Variants in GABRG3 observed in about 807,000 individuals in gnomAD.
GABRG3 encodes the protein gamma-aminobutyric acid receptor subunit gamma-3.
A neutral mutation model predicts 48.8 loss-of-function variants in GABRG3; 25 were observed. The ratio of observed to expected loss-of-function variants is 0.51; its 90% confidence interval spans 0.37 to 0.72. The LOEUF (loss-of-function observed/expected upper bound fraction) is 0.72. Ranked by LOEUF, GABRG3 falls within the 30% of genes least tolerant of loss-of-function variation. The pLI, the probability that GABRG3 is intolerant of heterozygous loss-of-function variation, is 0.00. For synonymous variants in GABRG3, 227 were observed against 217.6 expected (o/e 1.04, Z -0.38); for missense variants, 394 against 577.9 (o/e 0.68, Z 3.26).
At chr15:27,371,467 T>A (rs1895412619) in intron 5 of GABRG3, among the ~76,000 whole-genome samples, 1 of 152,202 alleles carries the variant, frequency 6.6e-6, no homozygotes, top group South Asian at 2.1e-4. Flanking sequence ...AGAAGGAAAA[T>A]CTAACCCTTT....
rs147459440 is a variant in GABRG3 at position 27,265,881 on chromosome 15, G to GTTTTTTTTTTT, written c.271-60928_271-60927insTTTTTTTTTTT. Among the ~76,000 whole-genome samples the GTTTTTTTTTTT allele has an allele frequency of 1.8e-4, 23 of 124,860 alleles. 2 individuals are homozygous for GTTTTTTTTTTT. Among genetic ancestry groups the GTTTTTTTTTTT allele is most frequent in the African/African-American group, 5.9e-4 (16 of 27,064 alleles). 81.9% of individuals were successfully genotyped at this position (124,860 alleles called of 152,430 possible). ...TGCAAGGTCAAGAAGATTTTCTCCT[G>GTTTTTTTTTTT]GTTTTTTTTTTTTTTTGAGAGTGAC... On this transcript the variant is annotated intron_variant, in intron 3 of 9. Coordinates refer to ENST00000615808, the MANE Select transcript of GABRG3 (RefSeq NM_033223.5).
intron 3 of GABRG3, among the ~76,000 whole-genome samples, chr15:27,321,075 C>G (rs1023118509): frequency 3.9e-5 from 6 of 152,154 alleles, no homozygotes; most frequent in Admixed American, 6.5e-5. Flanking sequence ...TCTCTGACTG[C>G]TGCACCCCTC....
At chr15:27,125,938 G>C (rs145784335) in intron 3 of GABRG3, among the ~76,000 whole-genome samples, 369 of 152,342 alleles carry the variant, frequency 2.4e-3, no homozygotes, top group Middle Eastern at 6.8e-3. Flanking sequence ...CAGATAATAT[G>C]ATCTATTAGG....
chr15:27,102,957 C>G (rs1897386800), intron 3 of GABRG3, among the ~76,000 whole-genome samples: 1 of 152,194 alleles, frequency 6.6e-6, no homozygotes, highest in Non-Finnish European at 1.5e-5. Context: ...TGATGTAGCT[C>G]TATTTCTAAT....
intron 3 of GABRG3, among the ~76,000 whole-genome samples, chr15:27,069,669 A>C (rs79172550): frequency 0.018 from 2,806 of 152,338 alleles, 84 homozygotes; most frequent in African/African-American, 0.063. Flanking sequence ...CTATGATTTA[A>C]ATTTCCACCT....
intron 5 of GABRG3, among the ~76,000 whole-genome samples, chr15:27,387,890 GGGAAGGAA>G (rs1187922274): frequency 1.4e-3 from 70 of 49,480 alleles, no homozygotes; most frequent in Non-Finnish European, 2.3e-3. Flanking sequence ...AGGGGAAGGA[GGGAAGGAA>G]GGAAGGAGGG....
At chr15:27,332,407 CAGA>C (rs1033688986) in intron 5 of GABRG3, among the ~76,000 whole-genome samples, 1 of 151,998 alleles carries the variant, frequency 6.6e-6, no homozygotes, top group Non-Finnish European at 1.5e-5. Flanking sequence ...GAGGCTGAGG[CAGA>C]AGAATCCCAG....
At chr15:27,177,050 C>T (rs1595568038) in intron 3 of GABRG3, among the ~76,000 whole-genome samples, 2 of 152,110 alleles carry the variant, frequency 1.3e-5, no homozygotes, top group Admixed American at 6.6e-5. Context: ...TAATCATTCT[C>T]CCCGAGAACT....
At chr15:27,396,423 A>T (rs1887299152) in intron 5 of GABRG3, among the ~76,000 whole-genome samples, 1 of 152,236 alleles carries the variant, frequency 6.6e-6, no homozygotes, top group Non-Finnish European at 1.5e-5. Context: ...TAATCATTAG[A>T]GAATGGTGAA....
chr15:26,985,692 C>T (rs1443946983), intron 2 of GABRG3, among the ~76,000 whole-genome samples: 1 of 152,040 alleles, frequency 6.6e-6, no homozygotes, highest in Non-Finnish European at 1.5e-5. Flanking sequence ...AATGGAATAA[C>T]CTCGCCATGC....
intron 1 of GABRG3, among the ~76,000 whole-genome samples, chr15:26,971,894 T>C (rs1894853226): frequency 6.6e-6 from 1 of 152,172 alleles, no homozygotes; most frequent in South Asian, 2.1e-4. Flanking sequence ...GGGCCATTTC[T>C]GGCTCCTTAC....
At chr15:27,249,016 G>A (rs143472092) in intron 3 of GABRG3, among the ~76,000 whole-genome samples, 2,340 of 152,184 alleles carry the variant, frequency 0.015, 39 homozygotes, top group Middle Eastern at 0.027. Flanking sequence ...CCCACTGTTT[G>A]CCCCGAGGAG....
intron 5 of GABRG3, among the ~76,000 whole-genome samples, chr15:27,432,249 T>C (rs960878854): frequency 1.3e-5 from 2 of 152,240 alleles, no homozygotes; most frequent in Non-Finnish European, 2.9e-5. Context: ...TATGGCTAGC[T>C]GCTTTCCTTC....
chr15:27,177,801 G>A (rs148646111), intron 3 of GABRG3, among the ~76,000 whole-genome samples: 204 of 152,296 alleles, frequency 1.3e-3, no homozygotes, highest in African/African-American at 4.6e-3. Context: ...ATTTTGTTTT[G>A]GACTATTGCA....
intron 9 of GABRG3, among the ~76,000 whole-genome samples, chr15:27,531,947 T>G (rs1444190280): frequency 1.3e-5 from 2 of 152,274 alleles, no homozygotes; most frequent in Non-Finnish European, 2.9e-5. Flanking sequence ...CTTGAGATGG[T>G]AAGCGGTGTC....
chr15:27,114,203 A>G (rs1187867456), intron 3 of GABRG3, among the ~76,000 whole-genome samples: 2 of 152,222 alleles, frequency 1.3e-5, no homozygotes, highest in Non-Finnish European at 1.5e-5. Flanking sequence ...TAATTATTCA[A>G]AGGTCCCTGG....
At chr15:27,136,894 G>A (rs778850362) in intron 3 of GABRG3, among the ~76,000 whole-genome samples, 7 of 151,868 alleles carry the variant, frequency 4.6e-5, no homozygotes, top group Non-Finnish European at 8.8e-5. Context: ...CTCTCCTGTC[G>A]CCCCCGCCTC....
At chr15:27,485,582 T>C (rs745638466) in intron 6 of GABRG3, among the ~76,000 whole-genome samples, 1 of 152,112 alleles carries the variant, frequency 6.6e-6, no homozygotes, top group South Asian at 2.1e-4. Flanking sequence ...CCCCAGCCCC[T>C]GATGGCATTA....
intron 3 of GABRG3, among the ~76,000 whole-genome samples, chr15:27,144,748 T>G (rs1898167496): frequency 6.6e-6 from 1 of 152,234 alleles, no homozygotes; most frequent in African/African-American, 2.4e-5. Flanking sequence ...CACTTATGAC[T>G]GACCTTGGAA....
Sources: allele counts gnomAD v4.1 joint callset (sites outside exome capture counted in the v4.1 genomes callset), GRCh38; gene constraint gnomAD v4.1.1; transcripts MANE v1.5; gene names NCBI Gene and HGNC (gene_info 2026-07-23, HGNC 2026-07-21).